GARIN2: variants seen among roughly 807,000 people sequenced by gnomAD.
The protein encoded by GARIN2 is Golgi-associated RAB2 interactor protein 2.
At chr14:67,205,993 G>C in the GARIN2 span, among the ~76,000 whole-genome samples, 1 of 152,090 alleles carries the variant, frequency 6.6e-6, no homozygotes, top group African/African-American at 2.4e-5. Flanking sequence ...AGACCAGCCT[G>C]GGAAACATGG....
the GARIN2 span, chr14:67,200,228 A>G: frequency 9.0e-6 from 9 of 1,004,604 alleles, no homozygotes; most frequent in African/African-American, 1.5e-4. Context: ...GCCCTCCACA[A>G]CCCACACCCT....
chr14:67,190,879 C>T, the GARIN2 span, among the ~76,000 whole-genome samples: 1 of 152,172 alleles, frequency 6.6e-6, no homozygotes, highest in Admixed American at 6.5e-5. Context: ...TAATTAACCT[C>T]AAAGCTCCAA....
chr14:67,228,186 G>A, the GARIN2 span, among the ~76,000 whole-genome samples: 16 of 146,198 alleles, frequency 1.1e-4, no homozygotes, highest in Middle Eastern at 3.6e-3. Flanking sequence ...AAAAAAAAAA[G>A]AAATTAAGTT....
At chr14:67,217,809 T>C in the GARIN2 span, among the ~76,000 whole-genome samples, 1 of 152,196 alleles carries the variant, frequency 6.6e-6, no homozygotes, top group East Asian at 1.9e-4. Context: ...TTTCTTATTA[T>C]TGATGTTTGT....
chr14:67,222,806 A>G, the GARIN2 span, among the ~76,000 whole-genome samples: 1 of 152,172 alleles, frequency 6.6e-6, no homozygotes, highest in Non-Finnish European at 1.5e-5. Flanking sequence ...AGTCATGCAC[A>G]TAAAAGAACA....
chr14:67,210,991 C>A, the GARIN2 span, among the ~76,000 whole-genome samples: 2 of 151,972 alleles, frequency 1.3e-5, no homozygotes, highest in African/African-American at 2.4e-5. Flanking sequence ...TGGAGTGACA[C>A]CCTGCCTCAA....
At chr14:67,204,456 AAT>A in the GARIN2 span, 1,458 of 1,318,996 alleles carry the variant, frequency 1.1e-3, no homozygotes, top group East Asian at 1.7e-3. Context: ...CAAACAAACA[AAT>A]ATATATATAT....
chr14:67,224,785 T>C, the GARIN2 span: 1 of 247,304 alleles, frequency 4.0e-6, no homozygotes, highest in Non-Finnish European at 7.9e-6. Context: ...CCCATCTTTC[T>C]TTTCCATGTT....
chr14:67,202,058 A>G, the GARIN2 span, among the ~76,000 whole-genome samples: 1 of 152,200 alleles, frequency 6.6e-6, no homozygotes, highest in Non-Finnish European at 1.5e-5. Context: ...GACTTCCATG[A>G]GTCCATATCC....
At chr14:67,193,370 T>TATATATCTAGATATATCTAG in the GARIN2 span, among the ~76,000 whole-genome samples, 16 of 139,554 alleles carry the variant, frequency 1.1e-4, no homozygotes, top group African/African-American at 3.8e-4. Context: ...ATAATCTATC[T>TATATATCTAGATATATCTAG]ATATATCTAG....
At chr14:67,207,193 A>G in the GARIN2 span, among the ~76,000 whole-genome samples, 1 of 152,106 alleles carries the variant, frequency 6.6e-6, no homozygotes, top group Non-Finnish European at 1.5e-5. Context: ...GGCAATTAAT[A>G]AAGAAAAGAG....
At chr14:67,196,372 A>G in the GARIN2 span, among the ~76,000 whole-genome samples, 2 of 151,986 alleles carry the variant, frequency 1.3e-5, no homozygotes, top group Admixed American at 6.6e-5. Flanking sequence ...ACCTGTCACC[A>G]TGCCAGGCTA....
At chr14:67,212,171 A>G in the GARIN2 span, among the ~76,000 whole-genome samples, 4 of 152,348 alleles carry the variant, frequency 2.6e-5, no homozygotes, top group Non-Finnish European at 4.4e-5. Flanking sequence ...GGTTCTGAGA[A>G]GCATAGTGAT....
the GARIN2 span, among the ~76,000 whole-genome samples, chr14:67,204,155 G>A: frequency 6.6e-6 from 1 of 152,144 alleles, no homozygotes; most frequent in Non-Finnish European, 1.5e-5. Flanking sequence ...ATAAGAAAGA[G>A]GCTGGGCATG....
chr14:67,214,390 C>A, the GARIN2 span, among the ~76,000 whole-genome samples: 5 of 152,252 alleles, frequency 3.3e-5, no homozygotes, highest in African/African-American at 9.6e-5. Context: ...ATATGGCTAG[C>A]CAGTTTTCCC....
At chr14:67,223,595 A>C in the GARIN2 span, 36 of 424,648 alleles carry the variant, frequency 8.5e-5, no homozygotes, top group Non-Finnish European at 1.1e-4. Flanking sequence ...GAAAAATTCC[A>C]CTCTGGGCTT....
chr14:67,225,931 G>GTGTGTGTGTC, the GARIN2 span, among the ~76,000 whole-genome samples: 1 of 112,538 alleles, frequency 8.9e-6, no homozygotes, highest in African/African-American at 5.8e-5. Flanking sequence ...CTGTGAGTGT[G>GTGTGTGTGTC]TGTGTGTGTG....
chr14:67,218,707 T>G, the GARIN2 span, among the ~76,000 whole-genome samples: 1 of 152,044 alleles, frequency 6.6e-6, no homozygotes, highest in African/African-American at 2.4e-5. Context: ...AACAGTTTCT[T>G]TGTGCCCTAA....
the GARIN2 span, among the ~76,000 whole-genome samples, chr14:67,193,002 A>C: frequency 1.4e-5 from 2 of 146,112 alleles, no homozygotes; most frequent in Non-Finnish European, 3.0e-5. Context: ...ATATCTCTAT[A>C]TATCAATATC....
Sources: allele counts gnomAD v4.1 joint callset (sites outside exome capture counted in the v4.1 genomes callset), GRCh38; gene constraint gnomAD v4.1.1; transcripts MANE v1.5; gene names NCBI Gene and HGNC (gene_info 2026-07-23, HGNC 2026-07-21).